The following HOMER1 variants were observed in gnomAD, a reference collection of about 807,000 sequenced individuals.
HOMER1 encodes the protein homer scaffold protein 1, also known as homer protein homolog 1.
Under a neutral mutation model 48.9 loss-of-function variants are expected in HOMER1, and 3 were observed. The observed-to-expected ratio is 0.06, with a 90% CI of 0.03 to 0.16. The LOEUF is 0.16. HOMER1 is among the 10% of genes least tolerant of loss of function. HOMER1 has a pLI of 1.00. For synonymous variants in HOMER1, 134 were observed against 146.4 expected (o/e 0.92, Z 0.61); for missense variants, 247 against 411.4 (o/e 0.60, Z 3.46).
chr5:79,490,852 G>A (rs1489372241), intron 1 of HOMER1, among the ~76,000 whole-genome samples: 1 of 151,236 alleles, frequency 6.6e-6, no homozygotes, highest in Non-Finnish European at 1.5e-5. Context: ...CTACTTGGAA[G>A]GCTGAGGCAG....
At chr5:79,510,561 T>A (rs1752912666) in intron 1 of HOMER1, 1 of 761,248 alleles carries the variant, frequency 1.3e-6, no homozygotes, top group South Asian at 1.4e-5. Flanking sequence ...CTGAGGAACA[T>A]GCAGTTTGCC....
At chr5:79,412,616 C>T (rs992908400) in intron 5 of HOMER1, among the ~76,000 whole-genome samples, 5 of 152,318 alleles carry the variant, frequency 3.3e-5, no homozygotes, top group Middle Eastern at 3.4e-3. Flanking sequence ...AGAAGGCTCA[C>T]GGAAACTTGC....
At chr5:79,416,104 G>A (rs190959993) in intron 5 of HOMER1, among the ~76,000 whole-genome samples, 11 of 152,180 alleles carry the variant, frequency 7.2e-5, no homozygotes, top group East Asian at 1.9e-4. Context: ...CTAAAAAGCC[G>A]AAAAGATTTA....
At chr5:79,387,079 CT>C (rs1749136162) in intron 8 of HOMER1, among the ~76,000 whole-genome samples, 1 of 136,406 alleles carries the variant, frequency 7.3e-6, no homozygotes, top group Admixed American at 7.4e-5. Context: ...TTCTCTATCT[CT>C]CTCTCTCTCT....
rs1184659253 is a variant in HOMER1 at position 79,375,080 on chromosome 5, T to C, written c.*929A>G. On this transcript the variant is annotated 3_prime_UTR_variant, in exon 9 of 9. Coordinates refer to ENST00000334082, the MANE Select transcript of HOMER1 (RefSeq NM_004272.5). ...AACCATTATTATTCGTAAATTGAAA[T>C]GCATTGATCATTCAGAAAAGATTTC... The C allele has an allele frequency of 5.9e-5, 9 of 152,096 alleles. No individual in the cohort carries two copies. The East Asian group carries it at 1.5e-3, about 26-fold the overall frequency. The allele number at this position is 152,096 out of a possible 1,614,324, so 9.4% of individuals were successfully genotyped here. A position where few individuals can be genotyped will look rare whatever the true frequency, so the allele number is the denominator to read the frequency against.
At chr5:79,459,464 T>G (rs1200560830) in intron 1 of HOMER1, among the ~76,000 whole-genome samples, 1 of 152,200 alleles carries the variant, frequency 6.6e-6, no homozygotes, top group Non-Finnish European at 1.5e-5. Flanking sequence ...TCTGAACAGC[T>G]GGTTTTTTTA....
At chr5:79,421,021 AC>A (rs1750083505) in intron 5 of HOMER1, among the ~76,000 whole-genome samples, 1 of 152,212 alleles carries the variant, frequency 6.6e-6, no homozygotes. Flanking sequence ...CAACATGCCT[AC>A]AAAATACTCC....
chr5:79,437,151 C>T (rs1462516422), intron 5 of HOMER1, among the ~76,000 whole-genome samples: 2 of 152,116 alleles, frequency 1.3e-5, no homozygotes, highest in South Asian at 2.1e-4. Flanking sequence ...AAATCGTAGA[C>T]ATTTAGAAAA....
intron 8 of HOMER1, among the ~76,000 whole-genome samples, chr5:79,385,200 CAA>C (rs1749078035): frequency 6.6e-6 from 1 of 152,076 alleles, no homozygotes; most frequent in Admixed American, 6.5e-5. Context: ...TTGGTGTAGG[CAA>C]AGACTTCATG....
chr5:79,380,615 G>A (rs185637105), intron 8 of HOMER1, among the ~76,000 whole-genome samples: 50 of 152,296 alleles, frequency 3.3e-4, no homozygotes, highest in Admixed American at 1.4e-3. Flanking sequence ...GGATTGCCCC[G>A]CCCCTACCTA....
chr5:79,394,903 T>G (rs757604520), intron 8 of HOMER1, among the ~76,000 whole-genome samples: 5 of 152,220 alleles, frequency 3.3e-5, no homozygotes, highest in Non-Finnish European at 7.3e-5. Flanking sequence ...CATTAGAAAT[T>G]TGATATAAAT....
At position 79,496,956 on chromosome 5, in the gene HOMER1, C is replaced by T. The variant is rs149579945; in HGVS notation, c.5+15814G>A. On this transcript the variant is annotated intron_variant, in intron 1 of 8. Transcript: ENST00000334082. ...TGGCATGCACCTGTAGTCCCAGCTA[C>T]TTGGGAGGCTGAGGCAGAAGAATTG... Among the ~76,000 whole-genome samples, 147 of 147,428 alleles carry T rather than the reference C, an allele frequency of 1.0e-3. 1 individual carries two copies. Among genetic ancestry groups the T allele is most frequent in the African/African-American group, 3.5e-3 (139 of 40,156 alleles).
chr5:79,380,720 G>A (rs1271281601), intron 8 of HOMER1, among the ~76,000 whole-genome samples: 4 of 152,072 alleles, frequency 2.6e-5, no homozygotes, highest in Non-Finnish European at 5.9e-5. Flanking sequence ...TATAATCGGG[G>A]GGTAGGGGGA....
intron 4 of HOMER1, among the ~76,000 whole-genome samples, chr5:79,445,276 G>A (rs1750844648): frequency 6.6e-6 from 1 of 152,102 alleles, no homozygotes; most frequent in African/African-American, 2.4e-5. Flanking sequence ...AAGCTACTGA[G>A]TACAGTTCAG....
intron 5 of HOMER1, among the ~76,000 whole-genome samples, chr5:79,419,604 A>G (rs1232275484): frequency 6.6e-6 from 1 of 151,874 alleles, no homozygotes; most frequent in Non-Finnish European, 1.5e-5. Flanking sequence ...GAGACATTCT[A>G]TATAGATCTG....
intron 2 of HOMER1, among the ~76,000 whole-genome samples, chr5:79,455,909 C>A (rs1049584104): frequency 6.6e-6 from 1 of 152,184 alleles, no homozygotes; most frequent in African/African-American, 2.4e-5. Flanking sequence ...GTAATCCCAG[C>A]ACTTTGGGAG....
At chr5:79,462,560 A>G (rs1167669028) in intron 1 of HOMER1, among the ~76,000 whole-genome samples, 1 of 152,208 alleles carries the variant, frequency 6.6e-6, no homozygotes, top group East Asian at 1.9e-4. Flanking sequence ...ACTCAAACTC[A>G]CTAGAGCTGA....
chr5:79,461,091 G>A (rs1561372457), intron 1 of HOMER1, among the ~76,000 whole-genome samples: 1 of 152,174 alleles, frequency 6.6e-6, no homozygotes, highest in Non-Finnish European at 1.5e-5. Flanking sequence ...GGCATGCAGA[G>A]TTTGGGGAAT....
At chr5:79,501,480 A>G (rs1343207985) in intron 1 of HOMER1, among the ~76,000 whole-genome samples, 1 of 152,224 alleles carries the variant, frequency 6.6e-6, no homozygotes, top group African/African-American at 2.4e-5. Flanking sequence ...AACCCCCACC[A>G]TGTTCAAGGG....
Sources: gnomAD v4.1 joint callset for allele counts (sites outside exome capture counted in the v4.1 genomes callset) on GRCh38, gnomAD v4.1.1 for gene constraint, MANE v1.5 for transcripts, NCBI Gene and HGNC (gene_info 2026-07-23, HGNC 2026-07-21) for gene names.